The following ATG14 variants were observed in gnomAD, a reference collection of about 807,000 sequenced individuals.
ATG14 encodes the protein beclin 1-associated autophagy-related key regulator.
Under a neutral mutation model 60.4 loss-of-function variants are expected in ATG14, and 35 were observed. That is an observed-to-expected ratio of 0.58 (90% CI 0.44 to 0.77). The LOEUF is 0.77. Among genes scored for constraint, ATG14 ranks in the 30% least tolerant of loss-of-function variants. ATG14 has a pLI of 0.00. For synonymous variants in ATG14, 234 were observed against 228.8 expected (o/e 1.02, Z -0.21); for missense variants, 647 against 626.3 (o/e 1.03, Z -0.35).
At position 55,399,736 on chromosome 14, in the gene ATG14, G is replaced by A. The variant is rs549810389; in HGVS notation, c.222-2302C>T. ...TAGAAAATAATAAACTCACAAGTTA[G>A]CAATCTCAAACCATGCAAAGGACTG... On this transcript the variant is annotated intron_variant, in intron 1 of 9. Coordinates refer to ENST00000247178, the MANE Select transcript of ATG14 (RefSeq NM_014924.5). 2.6e-5 allele frequency among the ~76,000 whole-genome samples: 4 copies of A among 152,278 alleles called. No homozygotes were observed. In the South Asian group the frequency reaches 8.3e-4, roughly 32 times the overall value.
chr14:55,380,153 A>AG lies in ATG14; in HGVS notation c.995+419dup, dbSNP rs543576457. Among the ~76,000 whole-genome samples the AG allele has an allele frequency of 1.1e-4, 16 of 152,118 alleles. No individual in the cohort carries two copies. The East Asian group carries it at 3.1e-3, about 30-fold the overall frequency. Reference sequence around the variant, plus strand: ...ATCCCAGCTACACAGGAGGCTGAGGAGGGAGGATTGCCTGAAACTGTGAGG... The same window carrying AG: ...ATCCCAGCTACACAGGAGGCTGAGGAGGGGAGGATTGCCTGAAACTGTGAGG... On this transcript the variant is annotated intron_variant, in intron 7 of 9. Transcript: ENST00000247178.
intron 7 of ATG14, 66 bp from the exon 8 acceptor site, chr14:55,378,140 T>C: frequency 7.2e-7 from 1 of 1,394,538 alleles, no homozygotes. Context: ...AAAATTTCCA[T>C]TTACAGTACA....
At chr14:55,402,893 CAAAAAAAAAAAAAAAAAAAAAAAA>C (rs1165938421) in intron 1 of ATG14, among the ~76,000 whole-genome samples, 1 of 11,100 alleles carries the variant, frequency 9.0e-5, no homozygotes, top group Non-Finnish European at 1.6e-4. Flanking sequence ...TCCATCTCTA[CAAAAAAAAAAAAAAAAAAAAAAAA>C]AAAAAAAAAA....
intron 2 of ATG14, 135 bp downstream of exon 2, chr14:55,397,237 T>C (rs1885327928): frequency 2.5e-6 from 2 of 804,270 alleles, no homozygotes; most frequent in Non-Finnish European, 4.2e-6. Context: ...CATGCACTCC[T>C]TTCCTACACT....
chr14:55,394,657 C>G (rs547008674), intron 3 of ATG14, among the ~76,000 whole-genome samples: 2 of 152,050 alleles, frequency 1.3e-5, no homozygotes, highest in East Asian at 1.9e-4. Flanking sequence ...ACAGAGTGCA[C>G]GAAATTCTGA....
At position 55,378,089 on chromosome 14, in the gene ATG14, T is replaced by C. The variant is rs1241421939; in HGVS notation, c.996-15A>G. On this transcript the variant is annotated splice_polypyrimidine_tract_variant and intron_variant, in intron 7 of 9. Transcript: ENST00000247178. ...CACAAAATTCACTGTAAAACAAACA[T>C]ACAATTTATAAAGTTGCATTTTTTG... 12 of 1,606,020 alleles carry C rather than the reference T, an allele frequency of 7.5e-6. No homozygotes were observed. The highest frequency in any genetic ancestry group is 1.0e-5 in the Non-Finnish European group (12 of 1,175,326).
chr14:55,397,937 G>A (rs1445643861), intron 1 of ATG14, among the ~76,000 whole-genome samples: 1 of 143,348 alleles, frequency 7.0e-6, no homozygotes, highest in Non-Finnish European at 1.5e-5. Flanking sequence ...TCACATTGCA[G>A]TAATTCTTTT....
intron 1 of ATG14, among the ~76,000 whole-genome samples, chr14:55,401,527 C>T (rs1425949425): frequency 6.6e-6 from 1 of 152,072 alleles, no homozygotes; most frequent in Non-Finnish European, 1.5e-5. Flanking sequence ...TTAAAAAAGT[C>T]TTCTATATTA....
rs1346571346 is a variant in ATG14, at chr14:55,381,849, TG to T, written c.877+112del. On this transcript the variant is annotated intron_variant, in intron 6 of 9. Coordinates refer to ENST00000247178, the MANE Select transcript of ATG14 (RefSeq NM_014924.5). ...TGGAGGTGATGGGAGCACAGTGCTG[TG>T]AATGTACTAAATGCCCCTGAATGGT... The T allele has an allele frequency of 3.6e-6, 3 of 823,838 alleles. No individual in the cohort carries two copies. In the African/African-American group the frequency reaches 5.1e-5, roughly 14 times the overall value. The allele number at this position is 823,838 out of a possible 1,614,324, so 51.0% of individuals were successfully genotyped here. A position where few individuals can be genotyped will look rare whatever the true frequency, so the allele number is the denominator to read the frequency against.
rs781558975 is a variant in ATG14 at position 55,385,920 on chromosome 14, A to G, written c.586T>C (p.Ser196Pro). 1 of 1,614,148 alleles carries G rather than the reference A, an allele frequency of 6.2e-7. No individual in the cohort carries two copies. The highest frequency in any genetic ancestry group is 1.1e-5 in the South Asian group (1 of 91,074). ...HYERLANLRR[S>P]HILELTSVIF... ...ACAGAGGTGAGCTCTAATATATGGGATCGTCGAAGATTTGCCAGACGCTCA... is the reference window on the plus strand; with the variant it reads ...ACAGAGGTGAGCTCTAATATATGGGGTCGTCGAAGATTTGCCAGACGCTCA... The change falls in exon 5 of 10, where the codon TCC (serine) becomes CCC (proline). Residue 196 changes from serine (S) to proline (P), a missense_variant. Physicochemically the swap from Ser to Pro is moderately conservative, Grantham distance 74 (BLOSUM62 -1). Transcript: ENST00000247178.
chr14:55,401,998 T>C (rs1885407231), intron 1 of ATG14, among the ~76,000 whole-genome samples: 1 of 152,176 alleles, frequency 6.6e-6, no homozygotes, highest in Non-Finnish European at 1.5e-5. Flanking sequence ...TCACTTCCAC[T>C]CTGTTCCCCG....
intron 4 of ATG14, among the ~76,000 whole-genome samples, chr14:55,389,280 T>C (rs990348239): frequency 2.0e-5 from 3 of 152,228 alleles, no homozygotes; most frequent in Non-Finnish European, 4.4e-5. Flanking sequence ...GGCAAAGCCC[T>C]GAATATCATG....
rs77147969 is a variant in ATG14 at position 55,409,110 on chromosome 14, G to A, written c.221+2492C>T. Among the ~76,000 whole-genome samples the A allele has an allele frequency of 6.8e-3, 1,029 of 152,326 alleles. 1 individual carries two copies. The highest frequency in any genetic ancestry group is 0.01 in the Non-Finnish European group (702 of 68,026). On this transcript the variant is annotated intron_variant, in intron 1 of 9. Transcript: ENST00000247178. Reference sequence around the variant, plus strand: ...CGTAGTCAGGAGAGAAATGATGGTGGTCTGAACTAAAACTCGGATAGATTC... The same window carrying A: ...CGTAGTCAGGAGAGAAATGATGGTGATCTGAACTAAAACTCGGATAGATTC...
At position 55,411,766 on chromosome 14, in the gene ATG14, G is replaced by A. The variant is rs1338915707; in HGVS notation, c.57C>T (p.Pro19=). Reference sequence around the variant, plus strand: ...CCACCAGGTCCCGGGCGAGCGGCCGGGGCCCGCAGCCAGGAGCCTCCAGCG... The same window carrying A: ...CCACCAGGTCCCGGGCGAGCGGCCGAGGCCCGCAGCCAGGAGCCTCCAGCG... ...ARALEAPGCG[P]RPLARDLVDS... is the part of the protein sequence containing the mutation. The change falls in exon 1 of 10, where the codon CCC becomes CCT. Residue 19 remains proline (P), a synonymous_variant. Transcript: ENST00000247178. 2 of 1,606,348 alleles carry A rather than the reference G, an allele frequency of 1.2e-6. No individual in the cohort carries two copies. The highest frequency in any genetic ancestry group is 1.7e-6 in the Non-Finnish European group (2 of 1,177,070).
chr14:55,377,293 G>A (rs544724195), intron 9 of ATG14, among the ~76,000 whole-genome samples: 12 of 152,272 alleles, frequency 7.9e-5, no homozygotes, highest in Admixed American at 4.6e-4. Flanking sequence ...GTTGCAGTGA[G>A]CTGAGATTGC....
rs111263526 is a variant in ATG14 at position 55,367,526 on chromosome 14, T to G, written c.*2093A>C. On this transcript the variant is annotated 3_prime_UTR_variant, in exon 10 of 10. Coordinates refer to ENST00000247178, the MANE Select transcript of ATG14 (RefSeq NM_014924.5). ...AGGAGGCCAAGGCAAGCGGATCACC[T>G]GAAGTCAGGAGTTCAAGACCAGCCT... 1 of 152,330 alleles carries G rather than the reference T, an allele frequency of 6.6e-6. No individual in the cohort carries two copies. The highest frequency in any genetic ancestry group is 2.4e-5 in the African/African-American group (1 of 41,552). 9.4% of individuals were successfully genotyped at this position (152,330 alleles called of 1,614,324 possible). A position where few individuals can be genotyped will look rare whatever the true frequency, so the allele number is the denominator to read the frequency against.
At chr14:55,406,262 A>G (rs1384645189) in intron 1 of ATG14, among the ~76,000 whole-genome samples, 1 of 152,208 alleles carries the variant, frequency 6.6e-6, no homozygotes, top group African/African-American at 2.4e-5. Context: ...AAGAACTTTG[A>G]TATGCATTAT....
intron 3 of ATG14, among the ~76,000 whole-genome samples, chr14:55,391,769 C>G (rs992594497): frequency 6.6e-6 from 1 of 152,182 alleles, no homozygotes; most frequent in Non-Finnish European, 1.5e-5. Flanking sequence ...GTCCTACTGA[C>G]GTGCAGCTCC....
chr14:55,385,299 G>A (rs1343964613), intron 5 of ATG14, among the ~76,000 whole-genome samples: 1 of 151,614 alleles, frequency 6.6e-6, no homozygotes, highest in Admixed American at 6.6e-5. Flanking sequence ...GTTTTTTTTT[G>A]TTTGTTTCTT....
Sources: allele counts gnomAD v4.1 joint callset (sites outside exome capture counted in the v4.1 genomes callset), GRCh38; gene constraint gnomAD v4.1.1; transcripts MANE v1.5; gene names NCBI Gene and HGNC (gene_info 2026-07-23, HGNC 2026-07-21).